The following SNX29 variants were observed in gnomAD, a reference collection of about 807,000 sequenced individuals.
The protein encoded by SNX29 is sorting nexin 29.
In SNX29, 78 loss-of-function variants were observed where a neutral mutation model predicts 102.1. That is an observed-to-expected ratio of 0.76 (90% confidence interval 0.64 to 0.92). The LOEUF (loss-of-function observed/expected upper bound fraction) is 0.92. Among genes scored for constraint, SNX29 ranks in the 40% least tolerant of loss-of-function variants. SNX29 has a pLI of 0.00. For synonymous variants in SNX29, 580 were observed against 414.5 expected (o/e 1.40, Z -4.85); for missense variants, 1,280 against 1,061.7 (o/e 1.21, Z -2.86).
intron 20 of SNX29, among the ~76,000 whole-genome samples, chr16:12,557,126 C>CACCTGACAGCTG (rs2078418394): frequency 6.6e-6 from 1 of 151,610 alleles, no homozygotes; most frequent in East Asian, 2.0e-4. Flanking sequence ...TGAGATTAGA[C>CACCTGACAGCTG]ACAGGAGTCA....
At chr16:12,084,817 C>G (rs1045563934) in intron 11 of SNX29, among the ~76,000 whole-genome samples, 6 of 152,098 alleles carry the variant, frequency 3.9e-5, no homozygotes, top group Non-Finnish European at 7.4e-5. Flanking sequence ...ACCTGTAATC[C>G]CAGCACTTTG....
chr16:12,222,046 T>G (rs1443987972), intron 14 of SNX29, among the ~76,000 whole-genome samples: 2 of 152,188 alleles, frequency 1.3e-5, no homozygotes, highest in Non-Finnish European at 2.9e-5. Context: ...ATTTAAGTAG[T>G]GCTAACTCCA....
intron 15 of SNX29, among the ~76,000 whole-genome samples, chr16:12,335,298 G>A (rs1480954017): frequency 2.0e-5 from 3 of 152,098 alleles, no homozygotes; most frequent in Admixed American, 6.5e-5. Context: ...TTTACTTGAA[G>A]TGAAACTCTT....
chr16:12,477,284 C>T (rs1266023126), intron 18 of SNX29, among the ~76,000 whole-genome samples: 1 of 152,122 alleles, frequency 6.6e-6, no homozygotes, highest in Non-Finnish European at 1.5e-5. Context: ...GTCCCAGGCA[C>T]CACCACATTG....
intron 19 of SNX29, among the ~76,000 whole-genome samples, chr16:12,506,958 T>G (rs1206726784): frequency 6.6e-6 from 1 of 152,226 alleles, no homozygotes; most frequent in East Asian, 1.9e-4. Flanking sequence ...AGCTCTGAAC[T>G]GCAGAGCAAA....
chr16:12,040,186 A>G (rs1236796354), intron 4 of SNX29, among the ~76,000 whole-genome samples: 3 of 152,162 alleles, frequency 2.0e-5, no homozygotes, highest in Non-Finnish European at 4.4e-5. Flanking sequence ...AGCCTGCACA[A>G]CATAGCAGAA....
intron 18 of SNX29, among the ~76,000 whole-genome samples, chr16:12,433,659 AGCTGGGCGT>A (rs1446157828): frequency 7.0e-6 from 1 of 142,026 alleles, no homozygotes; most frequent in Non-Finnish European, 1.5e-5. Flanking sequence ...AAGGAAACTT[AGCTGGGCGT>A]GGTGGGCGTG....
chr16:12,363,217 G>A (rs866756156), intron 16 of SNX29, among the ~76,000 whole-genome samples: 15 of 152,300 alleles, frequency 9.8e-5, no homozygotes, highest in Admixed American at 5.2e-4. Flanking sequence ...TGCTTTGGTC[G>A]TCATCTCAGA....
At chr16:12,169,718 G>A (rs1029478141) in intron 13 of SNX29, among the ~76,000 whole-genome samples, 6 of 152,032 alleles carry the variant, frequency 3.9e-5, no homozygotes, top group East Asian at 3.9e-4. Flanking sequence ...AAAATTAGCC[G>A]GGAATGGTTG....
chr16:12,466,181 A>G (rs772054206), intron 18 of SNX29, among the ~76,000 whole-genome samples: 2 of 152,208 alleles, frequency 1.3e-5, no homozygotes, highest in African/African-American at 4.8e-5. Context: ...AAGGCATCCA[A>G]ATTGGAAAAG....
chr16:12,516,798 G>A (rs1012963327), intron 19 of SNX29, among the ~76,000 whole-genome samples: 4 of 152,292 alleles, frequency 2.6e-5, no homozygotes, highest in Admixed American at 6.5e-5. Context: ...ACTGGGGAGC[G>A]GGACATGCGT....
At chr16:12,474,467 A>G (rs1439353276) in intron 18 of SNX29, among the ~76,000 whole-genome samples, 1 of 152,062 alleles carries the variant, frequency 6.6e-6, no homozygotes, top group Non-Finnish European at 1.5e-5. Flanking sequence ...TTCCGGGGAG[A>G]GGCAGGGCGT....
At chr16:12,526,844 C>T (rs373520059) in intron 20 of SNX29, 24 of 400,258 alleles carry the variant, frequency 6.0e-5, no homozygotes, top group African/African-American at 1.8e-4. Context: ...ATTCGCGTGC[C>T]GAATTGTAAA....
At chr16:12,458,078 A>C (rs1236161557) in intron 18 of SNX29, among the ~76,000 whole-genome samples, 3 of 152,246 alleles carry the variant, frequency 2.0e-5, no homozygotes, top group Non-Finnish European at 4.4e-5. Flanking sequence ...CCATAAGCAC[A>C]GTCTTGCAGC....
chr16:12,155,684 A>T (rs1019565788), intron 13 of SNX29, among the ~76,000 whole-genome samples: 1 of 152,066 alleles, frequency 6.6e-6, no homozygotes. Context: ...CGAGATGGAA[A>T]ATGAAAGGGG....
chr16:12,449,956 G>A (rs1948323734), intron 18 of SNX29, among the ~76,000 whole-genome samples: 1 of 152,262 alleles, frequency 6.6e-6, no homozygotes, highest in Admixed American at 6.5e-5. Flanking sequence ...TTGTGGGAGG[G>A]ACCCGGTGGG....
intron 16 of SNX29, among the ~76,000 whole-genome samples, chr16:12,391,555 T>A (rs575670312): frequency 6.6e-6 from 1 of 152,352 alleles, no homozygotes; most frequent in African/African-American, 2.4e-5. Context: ...TACCTACCAC[T>A]TAGAGTCTAC....
chr16:12,195,194 C>T (rs894183988), intron 13 of SNX29, among the ~76,000 whole-genome samples: 1 of 152,082 alleles, frequency 6.6e-6, no homozygotes, highest in African/African-American at 2.4e-5. Flanking sequence ...ATATTCATCC[C>T]TGGGGATAAA....
chr16:12,269,248 C>G (rs16959100), intron 14 of SNX29, among the ~76,000 whole-genome samples: 7,994 of 152,240 alleles, frequency 0.053, 413 homozygotes, highest in African/African-American at 0.13. Context: ...GGTAAGTAGA[C>G]TGCGGATTTT....
Sources: gnomAD v4.1 joint callset for allele counts (sites outside exome capture counted in the v4.1 genomes callset) on GRCh38, gnomAD v4.1.1 for gene constraint, MANE v1.5 for transcripts, NCBI Gene and HGNC (gene_info 2026-07-23, HGNC 2026-07-21) for gene names.